The following P3H2 variants were observed in gnomAD, a reference collection of about 807,000 sequenced individuals.
P3H2 encodes the protein prolyl 3-hydroxylase 2.
A neutral mutation model predicts 87.0 loss-of-function variants in P3H2; 80 were observed. The ratio of observed to expected loss-of-function variants is 0.92; its 90% CI spans 0.77 to 1.11. The LOEUF (loss-of-function observed/expected upper bound fraction) is 1.11. P3H2 is among the 50% of genes least tolerant of loss of function. The pLI is 0.00. For synonymous variants in P3H2, 367 were observed against 359.3 expected, an observed-to-expected ratio of 1.02 and a Z score of -0.24; for missense variants, 1,001 against 923.9, an observed-to-expected ratio of 1.08 and a Z score of -1.08.
intron 9 of P3H2, 140 bp from the exon 10 acceptor site, chr3:189,974,144 A>T: frequency 1.4e-6 from 1 of 709,848 alleles, no homozygotes; most frequent in East Asian, 2.6e-5. Flanking sequence ...TGCTGGTATA[A>T]CTATTCTTTT....
At position 189,961,608 on chromosome 3, in the gene P3H2, C is replaced by T. The variant is rs1470575437; in HGVS notation, c.2034+2350G>A. Among the ~76,000 whole-genome samples, 52 of 152,098 alleles carry T rather than the reference C, an allele frequency of 3.4e-4. 1 individual carries two copies. The highest frequency in any genetic ancestry group is 3.3e-3 in the Admixed American group (51 of 15,280). On this transcript the variant is annotated intron_variant, in intron 14 of 14. Transcript: ENST00000319332. ...TGGGGAGCTCTTAAAACTCCTGAAACACAGATGTTAGTAGTTTGTAACGAT... is the reference window on the plus strand; with the variant it reads ...TGGGGAGCTCTTAAAACTCCTGAAATACAGATGTTAGTAGTTTGTAACGAT...
intron 1 of P3H2, among the ~76,000 whole-genome samples, chr3:190,107,152 A>G (rs1336430726): frequency 1.3e-5 from 2 of 152,152 alleles, no homozygotes; most frequent in Non-Finnish European, 2.9e-5. Context: ...AATTTTTTCT[A>G]TATGAGTATT....
At chr3:189,966,141 AAGAAAGAAAGAAAG>A (rs1722992798) in intron 13 of P3H2, among the ~76,000 whole-genome samples, 8 of 131,104 alleles carry the variant, frequency 6.1e-5, no homozygotes, top group South Asian at 2.5e-4. Flanking sequence ...GAAAGAAAGA[AAGAAAGAAAGAAAG>A]AAAGAAAGAA....
intron 1 of P3H2, among the ~76,000 whole-genome samples, chr3:190,031,374 A>T (rs1385976238): frequency 1.8e-5 from 1 of 56,042 alleles, no homozygotes; most frequent in Non-Finnish European, 3.7e-5. Context: ...ATGAGGTCTC[A>T]TGCCTGTAAT....
At chr3:190,034,768 T>C (rs1725364025) in intron 1 of P3H2, among the ~76,000 whole-genome samples, 2 of 152,214 alleles carry the variant, frequency 1.3e-5, no homozygotes, top group Admixed American at 1.3e-4. Context: ...ATGGGAATTC[T>C]GCTGTATGTT....
At chr3:190,024,346 G>A (rs1725021968) in intron 1 of P3H2, among the ~76,000 whole-genome samples, 1 of 151,882 alleles carries the variant, frequency 6.6e-6, no homozygotes, top group Non-Finnish European at 1.5e-5. Flanking sequence ...AGACCAGCGT[G>A]TCCAATATGG....
At chr3:189,966,142 A>G (rs547933353) in intron 13 of P3H2, among the ~76,000 whole-genome samples, 1 of 127,552 alleles carries the variant, frequency 7.8e-6, no homozygotes, top group Non-Finnish European at 1.8e-5. Flanking sequence ...AAAGAAAGAA[A>G]GAAAGAAAGA....
chr3:190,120,796 G>A lies in P3H2; in HGVS notation c.-65C>T, dbSNP rs893477028. On this transcript the variant is annotated 5_prime_UTR_variant, in exon 1 of 15. Coordinates refer to ENST00000319332, the MANE Select transcript of P3H2 (RefSeq NM_018192.4). ...GGGCTTCGGGGCACCTCGCGTCCGG[G>A]TCCCCTCTCCCACCTTCCCTCGGGG... 1.3e-6 allele frequency: 2 copies of A among 1,496,066 alleles called. No homozygotes were observed. Among genetic ancestry groups the A allele is most frequent in the African/African-American group, 2.9e-5 (2 of 69,190 alleles). 92.7% of individuals were successfully genotyped at this position (1,496,066 alleles called of 1,614,324 possible). A position where few individuals can be genotyped will look rare whatever the true frequency, so the allele number is the denominator to read the frequency against.
chr3:189,971,613 G>C (rs1723180176), intron 12 of P3H2: 1 of 406,172 alleles, frequency 2.5e-6, no homozygotes, highest in South Asian at 2.1e-5. Context: ...GTTCCAGGGA[G>C]AACAGGAATT....
At chr3:190,012,207 GGTGTGTGTGTGTGTGTGT>G (rs3062120) in intron 1 of P3H2, among the ~76,000 whole-genome samples, 11 of 145,588 alleles carry the variant, frequency 7.6e-5, no homozygotes, top group Admixed American at 4.8e-4. Context: ...TGTAGGTAAA[GGTGTGTGTGTGTGTGTGT>G]GTGTGTGTGT....
At chr3:190,040,122 T>C (rs997531592) in intron 1 of P3H2, among the ~76,000 whole-genome samples, 4 of 152,170 alleles carry the variant, frequency 2.6e-5, no homozygotes, top group Non-Finnish European at 4.4e-5. Flanking sequence ...TCCTCAGTAA[T>C]TGGCATCACA....
At chr3:190,081,463 G>T (rs1412818393) in intron 1 of P3H2, among the ~76,000 whole-genome samples, 1 of 152,044 alleles carries the variant, frequency 6.6e-6, no homozygotes, top group Non-Finnish European at 1.5e-5. Flanking sequence ...ATAATAAAAT[G>T]AATATAAATG....
chr3:190,056,212 C>T (rs902677262), intron 1 of P3H2, among the ~76,000 whole-genome samples: 1 of 152,082 alleles, frequency 6.6e-6, no homozygotes, highest in Non-Finnish European at 1.5e-5. Context: ...AACCTTGATC[C>T]CGGACTTTTA....
chr3:190,062,627 G>A (rs6788523), intron 1 of P3H2, among the ~76,000 whole-genome samples: 25,750 of 151,974 alleles, frequency 0.17, 3,280 homozygotes, highest in African/African-American at 0.36. Context: ...TAAGCATTGC[G>A]TTTTGAAATA....
chr3:189,979,274 A>G (rs1482678909), intron 8 of P3H2, among the ~76,000 whole-genome samples: 1 of 151,114 alleles, frequency 6.6e-6, no homozygotes, highest in African/African-American at 2.4e-5. Flanking sequence ...AACACAAAAA[A>G]AAAATTCGCT....
At chr3:190,100,701 T>G (rs913322045) in intron 1 of P3H2, among the ~76,000 whole-genome samples, 1 of 152,094 alleles carries the variant, frequency 6.6e-6, no homozygotes, top group Non-Finnish European at 1.5e-5. Context: ...ATGCTATTAT[T>G]CTCAAACTGA....
At position 189,971,887 on chromosome 3, in the gene P3H2, T is replaced by C. The variant is rs763381366; in HGVS notation, c.1817+3A>G. On this transcript the variant is annotated splice_donor_region_variant and intron_variant, in intron 12 of 14. Transcript: ENST00000319332. ...TTTGTTTTGAAGCAGGTTCTAGCTA[T>C]ACCTATAGTCTCGAAATGTGTAAGC... The C allele has an allele frequency of 8.4e-6, 13 of 1,547,904 alleles. No homozygotes were observed. Among genetic ancestry groups the C allele is most frequent in the South Asian group, 5.6e-5 (5 of 89,828 alleles).
chr3:189,969,840 T>C (rs1385078108), intron 13 of P3H2: 4 of 1,522,778 alleles, frequency 2.6e-6, no homozygotes, highest in Non-Finnish European at 3.6e-6. Context: ...TTCATGGCAG[T>C]GGTGGTGGTG....
At chr3:190,106,158 T>TA (rs999897244) in intron 1 of P3H2, among the ~76,000 whole-genome samples, 14 of 151,894 alleles carry the variant, frequency 9.2e-5, no homozygotes, top group African/African-American at 3.1e-4. Context: ...AGAGTCCATT[T>TA]AAAAAAAATA....
Sources: gnomAD v4.1 joint callset for allele counts (sites outside exome capture counted in the v4.1 genomes callset) on GRCh38, gnomAD v4.1.1 for gene constraint, MANE v1.5 for transcripts, NCBI Gene and HGNC (gene_info 2026-07-23, HGNC 2026-07-21) for gene names.